The following TTLL4 variants were observed in gnomAD, a reference collection of about 807,000 sequenced individuals.
The protein encoded by TTLL4 is tubulin tyrosine ligase like 4, also known as tubulin monoglutamylase TTLL4.
A neutral mutation model predicts 122.7 loss-of-function variants in TTLL4; 85 were observed. The ratio of observed to expected loss-of-function variants is 0.69; its 90% CI spans 0.58 to 0.83. TTLL4 has a LOEUF of 0.83. Among genes scored for constraint, TTLL4 ranks in the 40% least tolerant of loss-of-function variants. The probability of loss-of-function intolerance (pLI) is 0.00; values close to 1 mark genes in which losing one functional copy is unlikely to be tolerated. For synonymous variants in TTLL4, 553 were observed against 563.0 expected, an observed-to-expected ratio of 0.98 and a Z score of 0.25; for missense variants, 1,363 against 1,488.6, an observed-to-expected ratio of 0.92 and a Z score of 1.39.
Position 218,719,380 on chromosome 2 carries a change from C to T in TTLL4, c.-177-7889C>T, listed in dbSNP as rs1013225481. 3.9e-5 allele frequency among the ~76,000 whole-genome samples: 6 copies of T among 151,928 alleles called. No homozygotes were observed. In the South Asian group the frequency reaches 6.2e-4, roughly 16 times the overall value. ...GTGAGAGGGACACACAACAGGTGCT[C>T]GTGGAGAGGGTGGGTCTTGAGCTGG... On this transcript the variant is annotated intron_variant, in intron 1 of 19. Coordinates refer to ENST00000392102, the MANE Select transcript of TTLL4 (RefSeq NM_014640.5).
intron 1 of TTLL4, among the ~76,000 whole-genome samples, chr2:218,711,708 C>T (rs1030240556): frequency 6.6e-6 from 1 of 151,836 alleles, no homozygotes; most frequent in Non-Finnish European, 1.5e-5. Context: ...GAGCATTTGC[C>T]ATACTGTGGT....
chr2:218,737,228 G>A (rs1167675457), intron 2 of TTLL4, among the ~76,000 whole-genome samples: 1 of 152,184 alleles, frequency 6.6e-6, no homozygotes, highest in African/African-American at 2.4e-5. Flanking sequence ...AGGGAAGGTA[G>A]CCCCTCATGG....
rs571950996 is a variant in TTLL4, at chr2:218,749,948, A to G, written c.2736-61A>G. 48 of 1,589,394 alleles carry G rather than the reference A, an allele frequency of 3.0e-5. 1 individual carries two copies. The South Asian group carries it at 5.1e-4, about 17-fold the overall frequency. On this transcript the variant is annotated intron_variant, in intron 14 of 19. Coordinates refer to ENST00000392102, the MANE Select transcript of TTLL4 (RefSeq NM_014640.5). Reference sequence around the variant, plus strand: ...AAATGAGACTAGCCCTGAGTTGCACATATGACCAGAGACTGTTTCGGAGTG... The same window carrying G: ...AAATGAGACTAGCCCTGAGTTGCACGTATGACCAGAGACTGTTTCGGAGTG...
At position 218,753,102 on chromosome 2, in the gene TTLL4, A is replaced by C; in HGVS notation, c.3188-13A>C. On this transcript the variant is annotated splice_polypyrimidine_tract_variant and intron_variant, in intron 17 of 19. Coordinates refer to ENST00000392102, the MANE Select transcript of TTLL4 (RefSeq NM_014640.5). The stretch of plus-strand genomic sequence containing the variant: ...ACCTTCTTAAACCCCAACTCCTGCT[A>C]ATCTTGTCCTAGGAGTAGATCTGCT... 1.2e-6 allele frequency: 2 copies of C among 1,614,152 alleles called. No homozygotes were observed. The highest frequency in any genetic ancestry group is 1.7e-6 in the Non-Finnish European group (2 of 1,180,004).
Position 218,748,847 on chromosome 2 carries a change from C to T in TTLL4, c.2513C>T (p.Ala838Val), listed in dbSNP as rs1274021088. ...ACQGHKWALK[A>V]LWNYLSQKGV... is the part of the protein sequence containing the mutation. ...TTCCTCCTCTGCAGGGCACTGAAGG[C>T]TTTGTGGAACTACCTGAGCCAGAAG... Residue 838 changes from alanine to valine, a missense_variant, in exon 13 of 20, where the codon GCT (alanine) becomes GTT (valine). Around this residue, in one of 3 missense-constraint regions of TTLL4, gnomAD observed 596 missense variants for 655.8 expected, o/e 0.91. Coordinates refer to ENST00000392102, the MANE Select transcript of TTLL4 (RefSeq NM_014640.5). 2 of 1,614,064 alleles carry T rather than the reference C, an allele frequency of 1.2e-6. No homozygotes were observed. The highest frequency in any genetic ancestry group is 3.3e-5 in the Admixed American group (2 of 60,014).
intron 2 of TTLL4, among the ~76,000 whole-genome samples, chr2:218,731,517 C>A (rs1388465837): frequency 6.6e-6 from 1 of 152,066 alleles, no homozygotes; most frequent in Non-Finnish European, 1.5e-5. Context: ...ATAATTGTTG[C>A]CTATTCCTTG....
rs148659460 is a variant in TTLL4, at chr2:218,739,067, A to T, written c.1391A>T (p.Asn464Ile). 20 of 1,613,702 alleles carry T rather than the reference A, an allele frequency of 1.2e-5. No homozygotes were observed. Among genetic ancestry groups the T allele is most frequent in the Non-Finnish European group, 1.6e-5 (19 of 1,179,986 alleles). Residue 464 changes from asparagine to isoleucine, a missense_variant, in exon 3 of 20, where the codon AAC becomes ATC. Asn to Ile is a moderately radical substitution (Grantham distance 149). This residue lies in a region of TTLL4 where 760 missense variants were observed against 808.4 expected (regional missense o/e 0.94). Coordinates refer to ENST00000392102, the MANE Select transcript of TTLL4 (RefSeq NM_014640.5). ...TTTCCTCAAACTCTTGGCATAGCCA[A>T]CGTGGCCACCCGCCTCTCTTCCATC... ...PPFPQTLGIA[N>I]VATRLSSIQL...
At chr2:218,750,958 G>GA (rs957487716) in intron 15 of TTLL4, among the ~76,000 whole-genome samples, 1 of 151,784 alleles carries the variant, frequency 6.6e-6, no homozygotes, top group Non-Finnish European at 1.5e-5. Flanking sequence ...GATGTGTGAG[G>GA]AAAAAAACCC....
intron 15 of TTLL4, among the ~76,000 whole-genome samples, chr2:218,750,985 A>C (rs1303831364): frequency 6.6e-6 from 1 of 152,134 alleles, no homozygotes; most frequent in Non-Finnish European, 1.5e-5. Context: ...TTACCCTTCC[A>C]ATAACCCTGT....
intron 16 of TTLL4, 90 bp downstream of exon 16, chr2:218,751,896 TTTCTTTTCTTTTTC>T (rs1446101770): frequency 9.0e-6 from 7 of 780,822 alleles, no homozygotes; most frequent in African/African-American, 4.5e-5. Context: ...TCTTTTTTTT[TTTCTTTTCTTTTTC>T]TTTTTTTTTT....
Position 218,755,156 on chromosome 2 carries a change from G to T in TTLL4, c.*767G>T, listed in dbSNP as rs1943127224. On this transcript the variant is annotated 3_prime_UTR_variant, in exon 20 of 20. Transcript: ENST00000392102. ...CAGTGAAGGAGCCCAGATAATCCCA[G>T]TAGCTGTTACCTGTCTCCATGTATC... 1 of 152,330 alleles carries T rather than the reference G, an allele frequency of 6.6e-6. No homozygotes were observed. Among genetic ancestry groups the T allele is most frequent in the Non-Finnish European group, 1.5e-5 (1 of 68,138 alleles). The allele number at this position is 152,330 out of a possible 1,614,324, so 9.4% of individuals were successfully genotyped here.
intron 2 of TTLL4, among the ~76,000 whole-genome samples, 197 bp downstream of exon 2, chr2:218,727,544 T>C (rs887469776): frequency 3.3e-5 from 5 of 152,186 alleles, no homozygotes; most frequent in African/African-American, 1.2e-4. Flanking sequence ...GAGATCATCC[T>C]GGCTAACACG....
rs1487523397 is a variant in TTLL4 at position 218,738,960 on chromosome 2, C to T, written c.1284C>T (p.Ala428=). The change falls in exon 3 of 20, where the codon GCC becomes GCT. Residue 428 remains alanine (A), a synonymous_variant. Transcript: ENST00000392102. ...GCATTCACCTCCTTGCCTCACATGCCAGTGGGCTCAATCACAACCCTGCCT... is the reference window on the plus strand; with the variant it reads ...GCATTCACCTCCTTGCCTCACATGCTAGTGGGCTCAATCACAACCCTGCCT... ...RISIHLLASH[A]SGLNHNPACE... is the part of the protein sequence containing the mutation. 1 of 1,614,198 alleles carries T rather than the reference C, an allele frequency of 6.2e-7. No homozygotes were observed. Among genetic ancestry groups the T allele is most frequent in the Non-Finnish European group, 8.5e-7 (1 of 1,180,032 alleles).
chr2:218,712,589 A>G (rs955781769), intron 1 of TTLL4, among the ~76,000 whole-genome samples: 8 of 151,996 alleles, frequency 5.3e-5, no homozygotes, highest in Non-Finnish European at 7.4e-5. Context: ...GGGTTTCACC[A>G]TCTTGGCCAG....
chr2:218,718,052 G>A (rs1941918421), intron 1 of TTLL4, among the ~76,000 whole-genome samples: 1 of 152,234 alleles, frequency 6.6e-6, no homozygotes, highest in African/African-American at 2.4e-5. Context: ...GCCTCCCAAA[G>A]TGTTGGGATT....
At position 218,737,564 on chromosome 2, in the gene TTLL4, T is replaced by C; in HGVS notation, c.-98-15T>C. The C allele has an allele frequency of 1.6e-6, 2 of 1,249,896 alleles. No individual in the cohort carries two copies. The highest frequency in any genetic ancestry group is 2.4e-5 in the Admixed American group (1 of 42,272). 77.4% of individuals were successfully genotyped at this position (1,249,896 alleles called of 1,614,324 possible). On this transcript the variant is annotated splice_polypyrimidine_tract_variant and intron_variant, in intron 2 of 19. Coordinates refer to ENST00000392102, the MANE Select transcript of TTLL4 (RefSeq NM_014640.5). ...CTGGCACTGTAACATTTCCTATCATTTCTCTCCACTTCAGACTGACAGACT... is the reference window on the plus strand; with the variant it reads ...CTGGCACTGTAACATTTCCTATCATCTCTCTCCACTTCAGACTGACAGACT...
intron 18 of TTLL4, 166 bp from the exon 19 acceptor site, chr2:218,753,418 C>A: frequency 1.2e-6 from 1 of 839,718 alleles, no homozygotes; most frequent in Non-Finnish European, 1.9e-6. Flanking sequence ...TTGTTTGATT[C>A]AGAAGAGAAC....
chr2:218,752,470 A>C lies in TTLL4; in HGVS notation c.2977-293A>C, dbSNP rs76188549. Among the ~76,000 whole-genome samples the C allele has an allele frequency of 6.7e-3, 1,021 of 152,322 alleles. 13 individuals are homozygous for C. The highest frequency in any genetic ancestry group is 0.023 in the African/African-American group (943 of 41,568). On this transcript the variant is annotated intron_variant, in intron 16 of 19. Transcript: ENST00000392102. ...GCATGGCAGATACAAGACTGGTGCC[A>C]AATCTGAATTGCTGGATCCTCATCT...
At chr2:218,726,009 A>C (rs1942181633) in intron 1 of TTLL4, among the ~76,000 whole-genome samples, 1 of 152,116 alleles carries the variant, frequency 6.6e-6, no homozygotes, top group African/African-American at 2.4e-5. Context: ...TTACTAGTGG[A>C]TTTTATGCCT....
Sources: gnomAD v4.1 joint callset for allele counts (sites outside exome capture counted in the v4.1 genomes callset) on GRCh38, gnomAD v4.1.1 for gene constraint, gnomAD v4.1.1 regional missense constraint, MANE v1.5 for transcripts, NCBI Gene and HGNC (gene_info 2026-07-23, HGNC 2026-07-21) for gene names.